Variants in C16orf87 observed in about 807,000 individuals in gnomAD.
C16orf87 encodes the protein HDAC and MIER1 interacting protein 1.
Under a neutral mutation model 21.0 loss-of-function variants are expected in C16orf87, and 13 were observed. The observed-to-expected ratio is 0.62, with a 90% confidence interval of 0.40 to 0.98. The LOEUF is 0.98. Ranked by LOEUF, C16orf87 falls within the 50% of genes least tolerant of loss-of-function variation. The probability of loss-of-function intolerance (pLI) is 0.00; values close to 1 mark genes in which losing one functional copy is unlikely to be tolerated. For missense variants in C16orf87, 113 were observed against 180.4 expected (o/e 0.63, Z 2.14); for synonymous variants, 49 against 60.2 (o/e 0.81, Z 0.86).
At chr16:46,821,682 C>T (rs1283702546) in intron 2 of C16orf87, among the ~76,000 whole-genome samples, 3 of 152,132 alleles carry the variant, frequency 2.0e-5, no homozygotes, top group Non-Finnish European at 2.9e-5. Context: ...GTTGATCTGA[C>T]CTGTCTGTAA....
intron 1 of C16orf87, among the ~76,000 whole-genome samples, chr16:46,829,670 T>C (rs923963203): frequency 8.5e-5 from 13 of 152,330 alleles, no homozygotes; most frequent in South Asian, 2.1e-4. Context: ...TTTAGTTCAG[T>C]AGTAAGAATG....
chr16:46,822,585 A>G (rs1959460090), intron 2 of C16orf87, among the ~76,000 whole-genome samples: 1 of 152,232 alleles, frequency 6.6e-6, no homozygotes, highest in African/African-American at 2.4e-5. Flanking sequence ...AGTGACAGAA[A>G]TGGAACTAAA....
intron 2 of C16orf87, among the ~76,000 whole-genome samples, chr16:46,821,748 ACT>A (rs1433099378): frequency 6.6e-6 from 1 of 151,576 alleles, no homozygotes; most frequent in Admixed American, 6.6e-5. Context: ...TAACTTACAA[ACT>A]CTGCACCGCG....
chr16:46,828,364 A>G (rs1959706298), intron 1 of C16orf87, among the ~76,000 whole-genome samples: 2 of 152,198 alleles, frequency 1.3e-5, no homozygotes, highest in Admixed American at 1.3e-4. Context: ...TTTAAATTAA[A>G]AAAAAGCTGC....
At chr16:46,806,956 G>T (rs185276532) in intron 3 of C16orf87, among the ~76,000 whole-genome samples, 45 of 152,272 alleles carry the variant, frequency 3.0e-4, no homozygotes, top group Admixed American at 2.6e-3. Context: ...TAAGAGCAAG[G>T]AATCAATAAA....
At chr16:46,809,901 T>A (rs1185823877) in intron 2 of C16orf87, 116 bp from the exon 3 acceptor site, 1 of 621,146 alleles carries the variant, frequency 1.6e-6, no homozygotes, top group East Asian at 2.6e-5. Flanking sequence ...CCTGGCATAT[T>A]TCATAGAACT....
At chr16:46,815,224 T>C (rs368446297) in intron 2 of C16orf87, among the ~76,000 whole-genome samples, 4 of 152,218 alleles carry the variant, frequency 2.6e-5, no homozygotes, top group African/African-American at 9.6e-5. Context: ...TCTTACTCCA[T>C]ACACAAAAAT....
At chr16:46,809,220 A>G (rs535314858) in intron 3 of C16orf87, among the ~76,000 whole-genome samples, 4 of 151,642 alleles carry the variant, frequency 2.6e-5, no homozygotes, top group South Asian at 2.1e-4. Context: ...CCTGGAGTTT[A>G]AGGCTGCAGT....
chr16:46,826,964 A>G (rs1959643790), intron 1 of C16orf87, among the ~76,000 whole-genome samples: 1 of 152,216 alleles, frequency 6.6e-6, no homozygotes, highest in African/African-American at 2.4e-5. Context: ...GTCTTATACA[A>G]AAGAACTTCA....
At position 46,805,872 on chromosome 16, in the gene C16orf87, G is replaced by A. The variant is rs1016401576; in HGVS notation, c.347-2802C>T. 4.6e-5 allele frequency among the ~76,000 whole-genome samples: 7 copies of A among 152,240 alleles called. No individual in the cohort carries two copies. The East Asian group carries it at 9.6e-4, about 21-fold the overall frequency. On this transcript the variant is annotated intron_variant, in intron 3 of 3. Coordinates refer to ENST00000285697, the MANE Select transcript of C16orf87 (RefSeq NM_001001436.4). ...ACTTTTTTACTTTTTTTACCTGGACGCTAATAAGCCAAACTCAAGAACTCA... is the reference window on the plus strand; with the variant it reads ...ACTTTTTTACTTTTTTTACCTGGACACTAATAAGCCAAACTCAAGAACTCA...
rs140177916 is a variant in C16orf87, at chr16:46,809,117, G to C, written c.346+486C>G. Among the ~76,000 whole-genome samples the C allele has an allele frequency of 2.0e-3, 303 of 151,580 alleles. 1 individual carries two copies. The highest frequency in any genetic ancestry group is 6.9e-3 in the African/African-American group (284 of 41,362). On this transcript the variant is annotated intron_variant, in intron 3 of 3. Transcript: ENST00000285697. ...GTTCAAGACTAGCCTGGGCAACATG[G>C]TGAAACCCCCCTCTACAAAAAATTA... is the stretch of plus-strand genomic sequence containing the variant.
At chr16:46,803,722 TA>T (rs1006307672) in intron 3 of C16orf87, among the ~76,000 whole-genome samples, 190 of 143,104 alleles carry the variant, frequency 1.3e-3, no homozygotes, top group African/African-American at 3.8e-3. Flanking sequence ...TAAAACTTGT[TA>T]AAAAAAAAAA....
At chr16:46,828,244 A>T (rs1959700043) in intron 1 of C16orf87, among the ~76,000 whole-genome samples, 1 of 152,158 alleles carries the variant, frequency 6.6e-6, no homozygotes, top group African/African-American at 2.4e-5. Context: ...CTGATTTTTT[A>T]AAAGCTCCAA....
chr16:46,824,946 G>A (rs548937608), intron 1 of C16orf87, among the ~76,000 whole-genome samples: 24 of 152,164 alleles, frequency 1.6e-4, no homozygotes, highest in Middle Eastern at 3.4e-3. Flanking sequence ...TAACAGAAGT[G>A]AGCCACCACA....
At chr16:46,814,957 C>T (rs1968196281) in intron 2 of C16orf87, among the ~76,000 whole-genome samples, 1 of 152,134 alleles carries the variant, frequency 6.6e-6, no homozygotes, top group African/African-American at 2.4e-5. Flanking sequence ...AGGTCCCACA[C>T]TTCTTGATTT....
chr16:46,806,330 T>G (rs1967927600), intron 3 of C16orf87, among the ~76,000 whole-genome samples: 1 of 149,948 alleles, frequency 6.7e-6, no homozygotes. Flanking sequence ...CGATCTCAGC[T>G]CACTGCAACC....
chr16:46,818,075 C>A (rs1393329054), intron 2 of C16orf87, among the ~76,000 whole-genome samples: 1 of 151,804 alleles, frequency 6.6e-6, no homozygotes, highest in African/African-American at 2.4e-5. Context: ...GGGTTTTTAC[C>A]ATGTTGGCCA....
At position 46,800,729 on chromosome 16, in the gene C16orf87, C is replaced by T. The variant is rs1290910508; in HGVS notation, c.*2223G>A. 6.6e-6 allele frequency: 1 copy of T among 152,076 alleles called. No individual in the cohort carries two copies. The highest frequency in any genetic ancestry group is 2.4e-5 in the African/African-American group (1 of 41,420). The allele number at this position is 152,076 out of a possible 1,614,324, so 9.4% of individuals were successfully genotyped here. On this transcript the variant is annotated 3_prime_UTR_variant, in exon 4 of 4. Coordinates refer to ENST00000285697, the MANE Select transcript of C16orf87 (RefSeq NM_001001436.4). ...AGTGACAAAGTAATATTTTCTGGGA[C>T]CATTACAACATGCCTAGACAAATTA...
intron 1 of C16orf87, among the ~76,000 whole-genome samples, chr16:46,824,872 G>T (rs2143161123): frequency 6.6e-6 from 1 of 151,976 alleles, no homozygotes; most frequent in South Asian, 2.1e-4. Flanking sequence ...TACTATATTG[G>T]CCAGGTTGGT....
Sources: allele counts gnomAD v4.1 joint callset (sites outside exome capture counted in the v4.1 genomes callset), GRCh38; gene constraint gnomAD v4.1.1; transcripts MANE v1.5; gene names NCBI Gene and HGNC (gene_info 2026-07-23, HGNC 2026-07-21).